Variants in ZCCHC2 observed in about 807,000 individuals in gnomAD.
The protein encoded by ZCCHC2 is zinc finger CCHC-type containing 2.
In ZCCHC2, 39 loss-of-function variants were observed where a neutral mutation model predicts 103.6. That is an observed-to-expected ratio of 0.38 (90% CI 0.29 to 0.49). ZCCHC2 has a LOEUF of 0.49. Ranked by LOEUF, ZCCHC2 falls within the 20% of genes least tolerant of loss-of-function variation. The pLI, the probability that ZCCHC2 is intolerant of heterozygous loss-of-function variation, is 0.96. For synonymous variants in ZCCHC2, 687 were observed against 608.9 expected (o/e 1.13, Z -1.89); for missense variants, 1,483 against 1,491.0 (o/e 0.99, Z 0.09).
At chr18:62,565,127 A>G (rs1916298866) in intron 11 of ZCCHC2, 31 bp downstream of exon 11, 5 of 1,468,144 alleles carry the variant, frequency 3.4e-6, no homozygotes, top group Non-Finnish European at 4.8e-6. Context: ...TCAAATACCC[A>G]TCACATAAAT....
At chr18:62,578,811 G>A (rs1436831636), downstream of ZCCHC2, among the ~76,000 whole-genome samples, 1 of 152,178 alleles carries the variant, frequency 6.6e-6, no homozygotes, top group African/African-American at 2.4e-5. Flanking sequence ...CTGTCGCCCA[G>A]GTTGGAGTGC....
chr18:62,526,378 C>T (rs1001402861), intron 1 of ZCCHC2: 7 of 152,310 alleles, frequency 4.6e-5, no homozygotes, highest in Non-Finnish European at 8.8e-5. Flanking sequence ...GTGTGGTGAA[C>T]TTCTCCAGCA....
At chr18:62,532,773 T>A (rs1273442630) in intron 1 of ZCCHC2, among the ~76,000 whole-genome samples, 1 of 152,216 alleles carries the variant, frequency 6.6e-6, no homozygotes, top group African/African-American at 2.4e-5. Flanking sequence ...TGGTGGCTCA[T>A]GCCTGTAATC....
Position 62,575,272 on chromosome 18 carries a change from A to G in ZCCHC2, c.3191A>G (p.His1064Arg). The G allele has an allele frequency of 1.2e-6, 2 of 1,614,000 alleles. No homozygotes were observed. Among genetic ancestry groups the G allele is most frequent in the Non-Finnish European group, 1.7e-6 (2 of 1,179,878 alleles). ...ICNGSYLNQA[H>R]QSNGNQLPFF... Reference sequence around the variant, plus strand: ...AATGGCAGCTACCTCAACCAAGCACATCAGAGCAATGGAAACCAACTTCCT... The same window carrying G: ...AATGGCAGCTACCTCAACCAAGCACGTCAGAGCAATGGAAACCAACTTCCT... The change falls in exon 13 of 14, where the codon CAT (histidine) becomes CGT (arginine). Residue 1064 changes from histidine (H) to arginine (R), a missense_variant. Transcript: ENST00000269499.
chr18:62,529,159 CAAAAAAAAAAAAA>C (rs67299838), intron 1 of ZCCHC2, among the ~76,000 whole-genome samples: 2 of 67,546 alleles, frequency 3.0e-5, no homozygotes, highest in African/African-American at 1.1e-4. Context: ...GACAACGTCT[CAAAAAAAAAAAAA>C]AAAAAAAAAG....
chr18:62,575,659 C>T (rs939281680), intron 13 of ZCCHC2, 109 bp downstream of exon 13: 12 of 1,319,058 alleles, frequency 9.1e-6, no homozygotes, highest in South Asian at 7.5e-5. Flanking sequence ...TTTGTGTTTT[C>T]GTTTATGGAT....
chr18:62,555,609 G>C (rs558496884), intron 5 of ZCCHC2, among the ~76,000 whole-genome samples: 2 of 152,272 alleles, frequency 1.3e-5, no homozygotes, highest in South Asian at 2.1e-4. Context: ...AGGAGTTCGA[G>C]ACTAGCCTGA....
rs1294721018 is a variant in ZCCHC2, at chr18:62,575,135, G to A, written c.3054G>A (p.Arg1018=). The A allele has an allele frequency of 1.9e-6, 3 of 1,613,914 alleles. No individual in the cohort carries two copies. Among genetic ancestry groups the A allele is most frequent in the Non-Finnish European group, 2.5e-6 (3 of 1,179,900 alleles). Residue 1018 remains arginine (R), a synonymous_variant, in exon 13 of 14, where the codon AGG becomes AGA. Coordinates refer to ENST00000269499, the MANE Select transcript of ZCCHC2 (RefSeq NM_017742.6). ...GTCCTTGTGGTTCTTGTGGGCGAAG[G>A]TGCAGCTGTGGGACCAATGGAAACC... ...GSGPCGSCGR[R]CSCGTNGNLQ... is the part of the protein sequence containing the mutation.
In ZCCHC2 at chr18:62,523,617, C is replaced by T. The variant is rs1447872436; in HGVS notation, c.193C>T (p.Arg65Trp). ...CCCTCTGCCGCCGCCGCCGCCGCCC[C>T]GGGGACTCGGGCCGCCTGTTGCTGG... ...RGPLPPPPPP[R>W]GLGPPVAGGA... Residue 65 changes from arginine to tryptophan, a missense_variant, in exon 1 of 14, where the codon CGG becomes TGG. Transcript: ENST00000269499. The T allele has an allele frequency of 8.4e-7, 1 of 1,185,462 alleles. No homozygotes were observed. Among genetic ancestry groups the T allele is most frequent in the East Asian group, 3.6e-5 (1 of 27,972 alleles). 73.4% of individuals were successfully genotyped at this position (1,185,462 alleles called of 1,614,324 possible). A position where few individuals can be genotyped will look rare whatever the true frequency, so the allele number is the denominator to read the frequency against.
chr18:62,552,671 G>A (rs1324056201), intron 5 of ZCCHC2, among the ~76,000 whole-genome samples: 1 of 152,116 alleles, frequency 6.6e-6, no homozygotes, highest in East Asian at 1.9e-4. Context: ...GGCCAAGACA[G>A]GAGGATCATT....
chr18:62,530,306 G>T (rs1199805303), intron 1 of ZCCHC2, among the ~76,000 whole-genome samples: 1 of 152,132 alleles, frequency 6.6e-6, no homozygotes, highest in Non-Finnish European at 1.5e-5. Flanking sequence ...TGTCAGCCAG[G>T]CCACTTAAAT....
Position 62,577,458 on chromosome 18 carries a change from C to T in ZCCHC2, c.*879C>T, listed in dbSNP as rs908277650. 5 of 152,498 alleles carry T rather than the reference C, an allele frequency of 3.3e-5. No individual in the cohort carries two copies. The highest frequency in any genetic ancestry group is 1.9e-4 in the East Asian group (1 of 5,190). The allele number at this position is 152,498 out of a possible 1,614,324, so 9.4% of individuals were successfully genotyped here. A position where few individuals can be genotyped will look rare whatever the true frequency, so the allele number is the denominator to read the frequency against. On this transcript the variant is annotated 3_prime_UTR_variant, in exon 14 of 14. Coordinates refer to ENST00000269499, the MANE Select transcript of ZCCHC2 (RefSeq NM_017742.6). The stretch of plus-strand genomic sequence containing the variant: ...ACAGCCAATTTTACTTGTCTACCAC[C>T]GTGTTGTGCTCAAAGAGACACTACT...
intron 7 of ZCCHC2, among the ~76,000 whole-genome samples, chr18:62,560,166 T>G (rs1885048402): frequency 6.6e-6 from 1 of 152,190 alleles, no homozygotes; most frequent in African/African-American, 2.4e-5. Context: ...GTCATTCCTG[T>G]GATATTCTGT....
intron 1 of ZCCHC2, chr18:62,525,994 C>T (rs1250354470): frequency 6.6e-6 from 1 of 152,146 alleles, no homozygotes; most frequent in African/African-American, 2.4e-5. Flanking sequence ...GAAAATGTCC[C>T]ACAGTGGAAC....
At chr18:62,554,680 G>T (rs1915808441) in intron 5 of ZCCHC2, among the ~76,000 whole-genome samples, 2 of 152,186 alleles carry the variant, frequency 1.3e-5, no homozygotes, top group Non-Finnish European at 2.9e-5. Context: ...TTGAAGGTGT[G>T]CCTGTGCTTT....
chr18:62,570,297 T>G (rs1916544101), intron 12 of ZCCHC2, 66 bp downstream of exon 12: 2 of 1,560,178 alleles, frequency 1.3e-6, no homozygotes, highest in South Asian at 2.4e-5. Context: ...GAAATGTGTG[T>G]TGTTTCTTCA....
rs75819440 is a variant in ZCCHC2, at chr18:62,576,805, T to C, written c.*226T>C. 4.9e-5 allele frequency: 21 copies of C among 431,962 alleles called. No individual in the cohort carries two copies. In the East Asian group the frequency reaches 6.5e-4, roughly 13 times the overall value. 26.8% of individuals were successfully genotyped at this position (431,962 alleles called of 1,614,324 possible). ...AACAGGCTTATATGTATGATACATG[T>C]AATTTAAACCTTCAGACAAACTTAA... On this transcript the variant is annotated 3_prime_UTR_variant, in exon 14 of 14. Transcript: ENST00000269499.
Position 62,574,932 on chromosome 18 carries a change from A to T in ZCCHC2, c.2851A>T (p.Ser951Cys). The T allele has an allele frequency of 6.2e-7, 1 of 1,613,874 alleles. No homozygotes were observed. Among genetic ancestry groups the T allele is most frequent in the Non-Finnish European group, 8.5e-7 (1 of 1,179,900 alleles). ...TSPQPASAGISQAQATVPPAV... is the reference protein window; with the variant it reads ...TSPQPASAGICQAQATVPPAV... The stretch of plus-strand genomic sequence containing the variant: ...TCCCCAGCCAGCGAGCGCAGGTATC[A>T]GCCAGGCCCAGGCAACTGTTCCTCC... The change falls in exon 13 of 14, where the codon AGC becomes TGC. Residue 951 changes from serine (S) to cysteine (C), a missense_variant. Physicochemically the swap from Ser to Cys is moderately radical, Grantham distance 112. Around this residue, in one of 3 missense-constraint regions of ZCCHC2, gnomAD observed 884 missense variants for 907.5 expected, o/e 0.97. Coordinates refer to ENST00000269499, the MANE Select transcript of ZCCHC2 (RefSeq NM_017742.6).
At position 62,574,293 on chromosome 18, in the gene ZCCHC2, C is replaced by T. The variant is rs1390450739; in HGVS notation, c.2212C>T (p.Pro738Ser). 8 of 1,614,038 alleles carry T rather than the reference C, an allele frequency of 5.0e-6. No homozygotes were observed. The highest frequency in any genetic ancestry group is 6.8e-6 in the Non-Finnish European group (8 of 1,179,906). ...NGAQKSEVVVPAPKPADGKTI... is the reference protein window; with the variant it reads ...NGAQKSEVVVSAPKPADGKTI... ...TGCCCAGAAGTCTGAAGTTGTCGTTCCTGCACCCAAACCCGCTGATGGCAA... is the reference window on the plus strand; with the variant it reads ...TGCCCAGAAGTCTGAAGTTGTCGTTTCTGCACCCAAACCCGCTGATGGCAA... Residue 738 changes from proline to serine, a missense_variant, in exon 13 of 14, where the codon CCT becomes TCT. Physicochemically the swap from Pro to Ser is moderately conservative, Grantham distance 74 (BLOSUM62 -1). Around this residue, in one of 3 missense-constraint regions of ZCCHC2, gnomAD observed 884 missense variants for 907.5 expected, o/e 0.97. Transcript: ENST00000269499.
Sources: allele counts gnomAD v4.1 joint callset (sites outside exome capture counted in the v4.1 genomes callset), GRCh38; gene constraint gnomAD v4.1.1; regional missense constraint gnomAD v4.1.1; transcripts MANE v1.5; gene names NCBI Gene and HGNC (gene_info 2026-07-23, HGNC 2026-07-21).